The following INSIG1 variants were observed in gnomAD, a reference collection of about 807,000 sequenced individuals.
The protein encoded by INSIG1 is insulin-induced gene 1 protein.
Under a neutral mutation model 26.5 loss-of-function variants are expected in INSIG1, and 14 were observed. The observed-to-expected ratio is 0.53, with a 90% CI of 0.35 to 0.83. INSIG1 has a LOEUF of 0.83. INSIG1 is among the 40% of genes least tolerant of loss of function. INSIG1 has a pLI of 0.01. For missense variants in INSIG1, 272 were observed against 368.9 expected, an observed-to-expected ratio of 0.74 and a Z score of 2.15; for synonymous variants, 147 against 153.3, an observed-to-expected ratio of 0.96 and a Z score of 0.30.
At chr7:155,305,175 G>T (rs1797904902) in intron 5 of INSIG1, among the ~76,000 whole-genome samples, 1 of 150,604 alleles carries the variant, frequency 6.6e-6, no homozygotes. Context: ...GGAGAAGAGA[G>T]ATCACCACCT....
At chr7:155,298,980 T>G (rs1035395373) in intron 2 of INSIG1, among the ~76,000 whole-genome samples, 7 of 152,202 alleles carry the variant, frequency 4.6e-5, no homozygotes, top group Admixed American at 1.3e-4. Context: ...CCAAGCTGAC[T>G]GAGGGCCCTT....
At chr7:155,304,137 T>G (rs1223832428) in intron 5 of INSIG1, among the ~76,000 whole-genome samples, 1 of 152,192 alleles carries the variant, frequency 6.6e-6, no homozygotes, top group Admixed American at 6.5e-5. Flanking sequence ...CTAACTTTTT[T>G]GCTTTTTGTG....
rs1278374208 is a variant in INSIG1, at chr7:155,309,317, A to G, written c.*1047A>G. Reference sequence around the variant, plus strand: ...TCAAGTGCAATGTATATGAAAACCAATCTGAGCCTTGTATCTCTTAAATAT... The same window carrying G: ...TCAAGTGCAATGTATATGAAAACCAGTCTGAGCCTTGTATCTCTTAAATAT... On this transcript the variant is annotated 3_prime_UTR_variant, in exon 6 of 6. Transcript: ENST00000340368. The G allele has an allele frequency of 6.6e-6, 1 of 152,642 alleles. No homozygotes were observed. Among genetic ancestry groups the G allele is most frequent in the Non-Finnish European group, 1.5e-5 (1 of 68,036 alleles). The allele number at this position is 152,642 out of a possible 1,614,324, so 9.5% of individuals were successfully genotyped here. A position where few individuals can be genotyped will look rare whatever the true frequency, so the allele number is the denominator to read the frequency against.
At position 155,302,264 on chromosome 7, in the gene INSIG1, C is replaced by T. The variant is rs1038040224; in HGVS notation, c.551C>T (p.Ala184Val). Reference sequence around the variant, plus strand: ...TTATATCACCAGAAATTGGATTTTGCCAATAATGTCCAGCTGTCCTTGACT... The same window carrying T: ...TTATATCACCAGAAATTGGATTTTGTCAATAATGTCCAGCTGTCCTTGACT... ...INHASAKLDFANNVQLSLTLA... is the reference protein window; with the variant it reads ...INHASAKLDFVNNVQLSLTLA... Residue 184 changes from alanine to valine, a missense_variant, in exon 4 of 6, where the codon GCC (alanine) becomes GTC (valine). Transcript: ENST00000340368. The surrounding 1 kb of genome is among the most constrained non-coding windows in gnomAD (Gnocchi z 4.3). 2 of 1,559,620 alleles carry T rather than the reference C, an allele frequency of 1.3e-6. No homozygotes were observed. The highest frequency in any genetic ancestry group is 2.3e-5 in the East Asian group (1 of 42,812).
intron 5 of INSIG1, 29 bp from the exon 6 acceptor site, chr7:155,308,210 CTT>C (rs776560911): frequency 9.0e-5 from 107 of 1,193,840 alleles, no homozygotes; most frequent in Non-Finnish European, 1.3e-4. Context: ...CTAATTTTCT[CTT>C]TCCTTTTTTT....
At chr7:155,304,178 G>A (rs925806981) in intron 5 of INSIG1, among the ~76,000 whole-genome samples, 15 of 152,204 alleles carry the variant, frequency 9.9e-5, no homozygotes, top group African/African-American at 2.9e-4. Context: ...TGTCCAGGCC[G>A]GGCTCGAACT....
At position 155,298,593 on chromosome 7, in the gene INSIG1, AC is replaced by A; in HGVS notation, c.310del (p.Leu104CysfsTer15). On this transcript the variant is annotated frameshift_variant, in exon 2 of 6. Coordinates refer to ENST00000340368, the MANE Select transcript of INSIG1 (RefSeq NM_005542.6). LOFTEE classifies it high-confidence loss of function. ...SVGVVLALVL[N>X]LLQIQRNVTL... ...GGGGTGGTCCTAGCCCTGGTGCTCAACCTGCTGCAGATCCAGAGGAATGTCA... is the reference window on the plus strand; with the variant it reads ...GGGGTGGTCCTAGCCCTGGTGCTCAACTGCTGCAGATCCAGAGGAATGTCA... 1 of 1,613,096 alleles carries A rather than the reference AC, an allele frequency of 6.2e-7. No homozygotes were observed. Among genetic ancestry groups the A allele is most frequent in the Non-Finnish European group, 8.5e-7 (1 of 1,179,764 alleles).
rs188107182 is a variant in INSIG1, at chr7:155,309,791, A to T, written c.*1521A>T. On this transcript the variant is annotated 3_prime_UTR_variant, in exon 6 of 6. Coordinates refer to ENST00000340368, the MANE Select transcript of INSIG1 (RefSeq NM_005542.6). Reference sequence around the variant, plus strand: ...TTGTTTTACAGGAATTTTGTTTTTTAAAAAAATAGGATCATTCTGAACTTT... The same window carrying T: ...TTGTTTTACAGGAATTTTGTTTTTTTAAAAAATAGGATCATTCTGAACTTT... 15 of 152,322 alleles carry T rather than the reference A, an allele frequency of 9.8e-5. No individual in the cohort carries two copies. Among genetic ancestry groups the T allele is most frequent in the East Asian group, 3.9e-4 (2 of 5,190 alleles). 9.4% of individuals were successfully genotyped at this position (152,322 alleles called of 1,614,324 possible).
intron 5 of INSIG1, among the ~76,000 whole-genome samples, chr7:155,304,332 C>A (rs1165330691): frequency 6.6e-6 from 1 of 152,228 alleles, no homozygotes; most frequent in Admixed American, 6.5e-5. Flanking sequence ...CATTCGCCAT[C>A]ATCCCCGTTA....
rs980346553 is a variant in INSIG1, at chr7:155,298,398, TCAA to T, written c.115_117del (p.Asn39del). ...CTGGCGGCCAAGGTTGGGGAGATGA[TCAA>T]CGTTTCCGTGTCCGGGCCCTCCCTG... On this transcript the variant is annotated inframe_deletion, in exon 2 of 6. Transcript: ENST00000340368. 5 of 1,563,180 alleles carry T rather than the reference TCAA, an allele frequency of 3.2e-6. No individual in the cohort carries two copies. Among genetic ancestry groups the T allele is most frequent in the Non-Finnish European group, 3.5e-6 (4 of 1,155,440 alleles).
At chr7:155,303,634 C>T (rs536438378) in intron 5 of INSIG1, among the ~76,000 whole-genome samples, 63 of 152,284 alleles carry the variant, frequency 4.1e-4, no homozygotes, top group African/African-American at 1.4e-3. Context: ...AAATTGACAT[C>T]TTAGCACTTC....
intron 5 of INSIG1, among the ~76,000 whole-genome samples, chr7:155,304,596 G>A (rs903918638): frequency 6.6e-6 from 1 of 152,188 alleles, no homozygotes; most frequent in East Asian, 1.9e-4. Context: ...TATTTTGGTG[G>A]AGGTAGAAAT....
chr7:155,300,600 A>C (rs1470598631), intron 2 of INSIG1, among the ~76,000 whole-genome samples: 1 of 151,794 alleles, frequency 6.6e-6, no homozygotes, highest in Non-Finnish European at 1.5e-5. Flanking sequence ...ACGGGCCGGC[A>C]CCCCACTCCC....
intron 1 of INSIG1, 146 bp downstream of exon 1, chr7:155,298,105 G>C (rs1797668920): frequency 3.9e-6 from 2 of 511,410 alleles, no homozygotes; most frequent in Non-Finnish European, 6.3e-6. Context: ...CTGTGAGCGC[G>C]GGTCCCGTCC....
chr7:155,305,111 A>C (rs867121378), intron 5 of INSIG1, among the ~76,000 whole-genome samples: 1 of 149,740 alleles, frequency 6.7e-6, no homozygotes, highest in Non-Finnish European at 1.5e-5. Flanking sequence ...GTGCCACTGC[A>C]TTCCAGCCTG....
At position 155,302,659 on chromosome 7, in the gene INSIG1, C is replaced by G. The variant is rs1797822046; in HGVS notation, c.705-88C>G. On this transcript the variant is annotated intron_variant, in intron 4 of 5. Coordinates refer to ENST00000340368, the MANE Select transcript of INSIG1 (RefSeq NM_005542.6). This position sits in a 1 kb window ranked among gnomAD's most constrained non-coding sequence, Gnocchi z 4.3. ...TAACATTGGATGGTTGATATGCGTT[C>G]TGCATATCCCCACTACAGAGAATCT... 1.0e-6 allele frequency: 1 copy of G among 970,306 alleles called. No individual in the cohort carries two copies. Among genetic ancestry groups the G allele is most frequent in the African/African-American group, 1.6e-5 (1 of 61,502 alleles). The allele number at this position is 970,306 out of a possible 1,614,324, so 60.1% of individuals were successfully genotyped here.
At position 155,309,733 on chromosome 7, in the gene INSIG1, T is replaced by A. The variant is rs1022027981; in HGVS notation, c.*1463T>A. ...TTTTTGCTTTGTTTTGAGGGAAATG[T>A]CTTGGAGTAAATTTTAAGTTCCTGG... On this transcript the variant is annotated 3_prime_UTR_variant, in exon 6 of 6. Transcript: ENST00000340368. The A allele has an allele frequency of 6.6e-6, 1 of 152,220 alleles. No homozygotes were observed. Among genetic ancestry groups the A allele is most frequent in the Non-Finnish European group, 1.5e-5 (1 of 68,036 alleles). 9.4% of individuals were successfully genotyped at this position (152,220 alleles called of 1,614,324 possible).
chr7:155,303,794 A>G lies in INSIG1; in HGVS notation c.804+948A>G, dbSNP rs370013374. The G allele has an allele frequency of 1.2e-5, 15 of 1,288,024 alleles. No homozygotes were observed. The African/African-American group carries it at 1.4e-4, about 12-fold the overall frequency. The allele number at this position is 1,288,024 out of a possible 1,614,324, so 79.8% of individuals were successfully genotyped here. On this transcript the variant is annotated intron_variant, in intron 5 of 5. Coordinates refer to ENST00000340368, the MANE Select transcript of INSIG1 (RefSeq NM_005542.6). ...AAAACTTATCTTAGTACCTCATGCT[A>G]TTTTTAAAACAGTACATTTATTTTT...
chr7:155,303,158 G>T (rs1255156663), intron 5 of INSIG1: 7 of 259,834 alleles, frequency 2.7e-5, no homozygotes, highest in Non-Finnish European at 7.6e-6. Flanking sequence ...TGACTGGTGT[G>T]TGAGTGTCCC....
Sources: gnomAD v4.1 joint callset for allele counts (sites outside exome capture counted in the v4.1 genomes callset) on GRCh38, gnomAD v4.1.1 for gene constraint, Gnocchi (gnomAD v3.1) non-coding constraint, MANE v1.5 for transcripts, NCBI Gene and HGNC (gene_info 2026-07-23, HGNC 2026-07-21) for gene names.